SYNJ2: variants seen among roughly 807,000 people sequenced by gnomAD.
SYNJ2 encodes polyphosphatidylinositol phosphatase SYNJ2.
Under a neutral mutation model 141.3 loss-of-function variants are expected in SYNJ2, and 116 were observed. The observed-to-expected ratio is 0.82, with a 90% confidence interval of 0.71 to 0.96. The LOEUF is 0.96. Ranked by LOEUF, SYNJ2 falls within the 40% of genes least tolerant of loss-of-function variation. The pLI is 0.00. For synonymous variants in SYNJ2, 745 were observed against 777.7 expected, an observed-to-expected ratio of 0.96 and a Z score of 0.70; for missense variants, 1,873 against 1,934.8, an observed-to-expected ratio of 0.97 and a Z score of 0.60.
chr6:158,059,590 T>C, intron 7 of SYNJ2: 3 of 1,216,736 alleles, frequency 2.5e-6, no homozygotes, highest in Non-Finnish European at 3.1e-6. Flanking sequence ...GTTTGGCTCT[T>C]GTCGCTCAGG....
Position 158,074,662 on chromosome 6 carries a change from T to C in SYNJ2, c.2216T>C (p.Phe739Ser). The C allele has an allele frequency of 6.2e-7, 1 of 1,614,182 alleles. No individual in the cohort carries two copies. The highest frequency in any genetic ancestry group is 8.5e-7 in the Non-Finnish European group (1 of 1,180,042). ...YRIDLTYEEV[F>S]YFVKRQDWKK... ...ATTGATCTTACTTATGAAGAAGTCT[T>C]CTATTTTGTTAAACGCCAAGACTGG... Residue 739 changes from phenylalanine (F) to serine (S), a missense_variant, in exon 16 of 27, where the codon TTC becomes TCC. Physicochemically the swap from Phe to Ser is radical, Grantham distance 155. Transcript: ENST00000355585.
intron 1 of SYNJ2, among the ~76,000 whole-genome samples, chr6:158,006,050 C>T (rs770837626): frequency 1.3e-5 from 2 of 152,194 alleles, no homozygotes; most frequent in Non-Finnish European, 2.9e-5. Flanking sequence ...ACCTCTCTCT[C>T]AGCTGCATCA....
At chr6:158,057,333 T>TCCCTTACGCCCTGGGTGCCAGCGTC (rs1225256684) in intron 6 of SYNJ2, among the ~76,000 whole-genome samples, 3 of 151,410 alleles carry the variant, frequency 2.0e-5, no homozygotes, top group Non-Finnish European at 4.4e-5. Flanking sequence ...GTGCCAGCGC[T>TCCCTTACGCCCTGGGTGCCAGCGTC]CCCTTACGCC....
intron 11 of SYNJ2, 50 bp from the exon 12 acceptor site, chr6:158,066,394 C>G (rs371158402): frequency 1.9e-6 from 3 of 1,604,162 alleles, no homozygotes; most frequent in Non-Finnish European, 1.7e-6. Flanking sequence ...TTGGAGGATG[C>G]CTGAGCTTTG....
chr6:158,032,080 G>A (rs1473050612), intron 3 of SYNJ2, among the ~76,000 whole-genome samples: 1 of 152,144 alleles, frequency 6.6e-6, no homozygotes. Context: ...TTTTCAAGCA[G>A]AGGAGCGCTG....
chr6:158,017,042 C>T lies in SYNJ2; in HGVS notation c.128-162C>T, dbSNP rs1487448946. 12 of 1,337,366 alleles carry T rather than the reference C, an allele frequency of 9.0e-6. 1 individual carries two copies. The highest frequency in any genetic ancestry group is 4.5e-5 in the African/African-American group (3 of 67,270). The allele number at this position is 1,337,366 out of a possible 1,614,324, so 82.8% of individuals were successfully genotyped here. On this transcript the variant is annotated intron_variant, in intron 1 of 26. Coordinates refer to ENST00000355585, the MANE Select transcript of SYNJ2 (RefSeq NM_003898.4). ...TGAATCCTTGCAGCTCTGTGATTCG[C>T]GAATCATAAAACCTCCACACTTGGT...
Position 158,095,623 on chromosome 6 carries a change from G to A in SYNJ2, c.3750G>A (p.Leu1250=). 1 of 1,594,148 alleles carries A rather than the reference G, an allele frequency of 6.3e-7. No individual in the cohort carries two copies. Among genetic ancestry groups the A allele is most frequent in the East Asian group, 2.2e-5 (1 of 44,752 alleles). ...KPTLRRTGKP[L]SPEEQFEQQT... ...TTTGTCCCACCTTTTCTCAGCCCCT[G>A]TCACCGGAAGAACAGTTTGAGCAAC... The change falls in exon 27 of 27, where the codon CTG becomes CTA. Residue 1250 remains leucine, a synonymous_variant. Coordinates refer to ENST00000355585, the MANE Select transcript of SYNJ2 (RefSeq NM_003898.4).
chr6:158,005,067 G>A (rs928028923), intron 1 of SYNJ2, among the ~76,000 whole-genome samples: 2 of 145,294 alleles, frequency 1.4e-5, no homozygotes, highest in African/African-American at 5.2e-5. Flanking sequence ...GCAATTCCCA[G>A]TCCCAGTGAC....
Position 158,043,406 on chromosome 6 carries a change from C to A in SYNJ2, c.795+7C>A. 2 of 1,611,706 alleles carry A rather than the reference C, an allele frequency of 1.2e-6. No homozygotes were observed. The highest frequency in any genetic ancestry group is 2.2e-5 in the South Asian group (2 of 90,904). ...GGAACAGCCAGGGCTTCAGGTAGGT[C>A]ATGAAAAAACTTAAATGTCCCCTTG... On this transcript the variant is annotated splice_region_variant and intron_variant, in intron 5 of 26. Coordinates refer to ENST00000355585, the MANE Select transcript of SYNJ2 (RefSeq NM_003898.4). This position sits in a 1 kb window ranked among gnomAD's most constrained non-coding sequence, Gnocchi z 4.0.
At chr6:158,048,190 G>T (rs1780361642) in intron 5 of SYNJ2, among the ~76,000 whole-genome samples, 1 of 152,212 alleles carries the variant, frequency 6.6e-6, no homozygotes, top group Non-Finnish European at 1.5e-5. Flanking sequence ...TGTGTGGACA[G>T]AGCCGTGTTG....
chr6:157,983,963 G>T (rs886128839), intron 1 of SYNJ2, among the ~76,000 whole-genome samples: 14 of 152,038 alleles, frequency 9.2e-5, no homozygotes, highest in Admixed American at 7.9e-4. Flanking sequence ...GAGTAGCTGG[G>T]ACTATAGGCA....
chr6:158,059,556 CT>C (rs71805887), intron 7 of SYNJ2: 102,498 of 1,047,080 alleles, frequency 0.098, 1 homozygote, highest in South Asian at 0.15. Context: ...AATTTCTTTT[CT>C]TTTTTTTTTT....
intron 2 of SYNJ2, among the ~76,000 whole-genome samples, chr6:158,023,897 C>T (rs1424078295): frequency 1.3e-5 from 2 of 152,170 alleles, no homozygotes; most frequent in African/African-American, 4.8e-5. Context: ...AGGTTATTGT[C>T]ATTTCTTAGC....
At chr6:157,991,126 G>A (rs924944135) in intron 1 of SYNJ2, among the ~76,000 whole-genome samples, 8 of 152,172 alleles carry the variant, frequency 5.3e-5, no homozygotes, top group East Asian at 1.9e-4. Flanking sequence ...GCTTAACTGC[G>A]CAGTCTGAAT....
At chr6:157,988,287 G>C (rs1355111383) in intron 1 of SYNJ2, among the ~76,000 whole-genome samples, 1 of 152,246 alleles carries the variant, frequency 6.6e-6, no homozygotes, top group Non-Finnish European at 1.5e-5. Context: ...GGGGAAGTCG[G>C]GGAAGAGAAG....
Position 158,089,960 on chromosome 6 carries a change from C to T in SYNJ2, c.3565+13C>T. On this transcript the variant is annotated intron_variant, in intron 25 of 26. Coordinates refer to ENST00000355585, the MANE Select transcript of SYNJ2 (RefSeq NM_003898.4). Reference sequence around the variant, plus strand: ...GAAGCCAGAGGAGGTAGGTGCTTTCCTGGGGGCAGGGGAAAAACCAATTCT... The same window carrying T: ...GAAGCCAGAGGAGGTAGGTGCTTTCTTGGGGGCAGGGGAAAAACCAATTCT... 1 of 1,597,034 alleles carries T rather than the reference C, an allele frequency of 6.3e-7. No individual in the cohort carries two copies. Among genetic ancestry groups the T allele is most frequent in the Non-Finnish European group, 8.6e-7 (1 of 1,164,766 alleles).
At chr6:158,085,315 C>A (rs796492606) in intron 22 of SYNJ2, among the ~76,000 whole-genome samples, 1 of 152,174 alleles carries the variant, frequency 6.6e-6, no homozygotes, top group Non-Finnish European at 1.5e-5. Flanking sequence ...GCCACTGCAC[C>A]TGGCCAGTAA....
chr6:158,078,291 T>G lies in SYNJ2; in HGVS notation c.2567+10T>G. 1.9e-6 allele frequency: 3 copies of G among 1,584,576 alleles called. No individual in the cohort carries two copies. The highest frequency in any genetic ancestry group is 2.6e-6 in the Non-Finnish European group (3 of 1,153,866). ...AAGCGTCTGATCACAGGTGAGGTCCTGACTTCCATGGCGTTTTCTCCTGTG... is the reference window on the plus strand; with the variant it reads ...AAGCGTCTGATCACAGGTGAGGTCCGGACTTCCATGGCGTTTTCTCCTGTG... On this transcript the variant is annotated intron_variant, in intron 18 of 26. Coordinates refer to ENST00000355585, the MANE Select transcript of SYNJ2 (RefSeq NM_003898.4).
intron 1 of SYNJ2, among the ~76,000 whole-genome samples, chr6:157,992,954 ATACC>A (rs1777506026): frequency 6.6e-6 from 1 of 151,200 alleles, no homozygotes; most frequent in Admixed American, 6.6e-5. Context: ...TTTTGGGTAG[ATACC>A]CAGCAGTGGG....
Sources: gnomAD v4.1 joint callset for allele counts (sites outside exome capture counted in the v4.1 genomes callset) on GRCh38, gnomAD v4.1.1 for gene constraint, Gnocchi (gnomAD v3.1) non-coding constraint, MANE v1.5 for transcripts, NCBI Gene and HGNC (gene_info 2026-07-23, HGNC 2026-07-21) for gene names.